ADGRL2: variants seen among roughly 807,000 people sequenced by gnomAD.
ADGRL2 encodes adhesion G protein-coupled receptor L2, also known as calcium-independent alpha-latrotoxin receptor 2.
ADGRL2 carries 44 observed loss-of-function variants against 157.4 expected under a neutral mutation model. The observed-to-expected ratio is 0.28, with a 90% CI of 0.22 to 0.36. The LOEUF is 0.36. Among genes scored for constraint, ADGRL2 ranks in the 10% least tolerant of loss-of-function variants. ADGRL2 has a pLI of 1.00. For missense variants in ADGRL2, 1,510 were observed against 1,768.9 expected, an observed-to-expected ratio of 0.85 and a Z score of 2.63; for synonymous variants, 585 against 624.7, an observed-to-expected ratio of 0.94 and a Z score of 0.95.
At chr1:81,338,680 T>C (rs1661832639) in intron 1 of ADGRL2, among the ~76,000 whole-genome samples, 1 of 152,222 alleles carries the variant, frequency 6.6e-6, no homozygotes, top group South Asian at 2.1e-4. Context: ...ATGTACCAGA[T>C]ATGTTCTAAG....
intron 3 of ADGRL2, among the ~76,000 whole-genome samples, chr1:81,910,247 T>TAATAATAATAATAAG (rs748638284): frequency 9.7e-6 from 1 of 103,120 alleles, no homozygotes; most frequent in African/African-American, 3.0e-5. Context: ...TAAAAAACAA[T>TAATAATAATAATAAG]AATAATAATA....
chr1:81,762,613 A>G (rs947682175), intron 2 of ADGRL2, among the ~76,000 whole-genome samples: 1 of 152,080 alleles, frequency 6.6e-6, no homozygotes, highest in African/African-American at 2.4e-5. Flanking sequence ...GGAATTTCTC[A>G]TTGTAGAAAA....
intron 1 of ADGRL2, among the ~76,000 whole-genome samples, chr1:81,334,409 C>T (rs1357062312): frequency 1.3e-5 from 2 of 152,168 alleles, no homozygotes; most frequent in Admixed American, 6.5e-5. Flanking sequence ...ATATTAGTTT[C>T]ATTTCTTTTA....
chr1:81,566,338 C>A (rs2080562262), intron 2 of ADGRL2, among the ~76,000 whole-genome samples: 1 of 152,028 alleles, frequency 6.6e-6, no homozygotes, highest in South Asian at 2.1e-4. Context: ...AACAAATAAA[C>A]AAAACCTGAA....
intron 2 of ADGRL2, among the ~76,000 whole-genome samples, chr1:81,858,667 G>C (rs889390556): frequency 6.6e-6 from 1 of 152,006 alleles, no homozygotes; most frequent in African/African-American, 2.4e-5. Flanking sequence ...ATCAGAATTG[G>C]GGTTGAGTAC....
chr1:81,804,817 CTT>C (rs1557675262), intron 1 of ADGRL2, among the ~76,000 whole-genome samples: 1 of 152,100 alleles, frequency 6.6e-6, no homozygotes, highest in Non-Finnish European at 1.5e-5. Context: ...GAAAAGGCCA[CTT>C]AATTAGTTTT....
rs1025526376 is a variant in ADGRL2 at position 81,809,278 on chromosome 1, T to G, written c.-101+8210T>G. 5.9e-5 allele frequency among the ~76,000 whole-genome samples: 9 copies of G among 152,140 alleles called. No individual in the cohort carries two copies. In the South Asian group the frequency reaches 1.0e-3, roughly 18 times the overall value. ...TTGGAGGACTTTTTTTGCGGTAGATTTAGTACTTTAATAAAAACAGAAATA... is the reference window on the plus strand; with the variant it reads ...TTGGAGGACTTTTTTTGCGGTAGATGTAGTACTTTAATAAAAACAGAAATA... On this transcript the variant is annotated intron_variant, in intron 1 of 23. Coordinates refer to ENST00000686636, the MANE Select transcript of ADGRL2 (RefSeq NM_001366006.2).
chr1:81,751,562 C>T (rs74974711), intron 1 of ADGRL2, among the ~76,000 whole-genome samples: 12,212 of 152,068 alleles, frequency 0.08, 632 homozygotes, highest in Non-Finnish European at 0.11. Context: ...TCTTTCAGAT[C>T]GAAAGACTGA....
intron 1 of ADGRL2, among the ~76,000 whole-genome samples, chr1:81,394,538 G>A (rs561211280): frequency 1.3e-5 from 2 of 152,206 alleles, no homozygotes; most frequent in East Asian, 3.9e-4. Context: ...CAAATGACAG[G>A]ATTTTATTCT....
chr1:81,650,568 C>G (rs61773240), intron 3 of ADGRL2, among the ~76,000 whole-genome samples: 18,587 of 140,784 alleles, frequency 0.13, 1,610 homozygotes, highest in Middle Eastern at 0.18. Flanking sequence ...GAGTGAGACT[C>G]CATCTCAAAA....
In ADGRL2 at chr1:81,307,089, T is replaced by G. The variant is rs145798703; in HGVS notation, c.-302+580T>G. Among the ~76,000 whole-genome samples, 231 of 152,354 alleles carry G rather than the reference T, an allele frequency of 1.5e-3. 4 individuals are homozygous for G. The highest frequency in any genetic ancestry group is 5.3e-3 in the African/African-American group (220 of 41,594). ...CTAGGCTATGCAGAAGTATTACAAA[T>G]AGTTAGGATTCAGTTACTGTCATTA... On this transcript the variant is annotated intron_variant, in intron 1 of 24. Coordinates refer to the ADGRL2 transcript ENST00000370721.
intron 1 of ADGRL2, among the ~76,000 whole-genome samples, chr1:81,361,300 G>T (rs1284968868): frequency 2.6e-5 from 4 of 151,874 alleles, no homozygotes; most frequent in African/African-American, 9.7e-5. Context: ...ATATTCTAAT[G>T]TGCTTTTTAG....
intron 1 of ADGRL2, among the ~76,000 whole-genome samples, chr1:81,760,285 T>C (rs780551486): frequency 6.6e-6 from 1 of 152,088 alleles, no homozygotes; most frequent in Non-Finnish European, 1.5e-5. Flanking sequence ...AAAGTGTGCA[T>C]AGCTGCTGAG....
At chr1:81,406,569 T>C (rs2076857141) in intron 1 of ADGRL2, among the ~76,000 whole-genome samples, 1 of 152,234 alleles carries the variant, frequency 6.6e-6, no homozygotes, top group South Asian at 2.1e-4. Flanking sequence ...ATCCAGCCTC[T>C]GGGCTGTTCT....
chr1:81,817,016 A>C (rs1557698842), intron 1 of ADGRL2, among the ~76,000 whole-genome samples: 1 of 150,810 alleles, frequency 6.6e-6, no homozygotes, highest in Non-Finnish European at 1.5e-5. Context: ...TTTTACATGC[A>C]TGTACTTTAT....
chr1:81,832,250 T>C (rs1365985284), intron 1 of ADGRL2, among the ~76,000 whole-genome samples: 4 of 152,146 alleles, frequency 2.6e-5, no homozygotes, highest in South Asian at 2.1e-4. Context: ...CAAGCAATTC[T>C]CCTTCCTTAG....
chr1:81,360,519 T>C (rs2075958894), intron 1 of ADGRL2, among the ~76,000 whole-genome samples: 1 of 152,022 alleles, frequency 6.6e-6, no homozygotes. Flanking sequence ...AATATCTTAC[T>C]CATCCAAATT....
chr1:81,327,605 TA>T (rs1273404282), intron 1 of ADGRL2, among the ~76,000 whole-genome samples: 1 of 152,166 alleles, frequency 6.6e-6, no homozygotes, highest in African/African-American at 2.4e-5. Context: ...TCAATATCCC[TA>T]AAATAAACTT....
intron 1 of ADGRL2, among the ~76,000 whole-genome samples, chr1:81,714,240 A>T (rs1050608594): frequency 1.3e-5 from 2 of 152,206 alleles, no homozygotes; most frequent in Non-Finnish European, 2.9e-5. Flanking sequence ...GTTATCATTT[A>T]AATTTGGATA....
Sources: allele counts gnomAD v4.1 joint callset (sites outside exome capture counted in the v4.1 genomes callset), GRCh38; gene constraint gnomAD v4.1.1; transcripts MANE v1.5; gene names NCBI Gene and HGNC (gene_info 2026-07-23, HGNC 2026-07-21).